PI4KA: variants seen among roughly 807,000 people sequenced by gnomAD.
The protein encoded by PI4KA is phosphatidylinositol 4-kinase alpha.
PI4KA carries 122 observed loss-of-function variants against 271.4 expected under a neutral mutation model. The observed-to-expected ratio is 0.45, with a 90% CI of 0.39 to 0.52. The LOEUF (loss-of-function observed/expected upper bound fraction) is 0.52. PI4KA is among the 20% of genes least tolerant of loss of function. The probability of loss-of-function intolerance (pLI) is 0.00; values close to 1 mark genes in which losing one functional copy is unlikely to be tolerated. For synonymous variants in PI4KA, 1,041 were observed against 1,078.8 expected, an observed-to-expected ratio of 0.96 and a Z score of 0.69; for missense variants, 1,969 against 2,769.1, an observed-to-expected ratio of 0.71 and a Z score of 6.48.
At chr22:20,726,247 A>C in intron 42 of PI4KA, 1 of 397,028 alleles carries the variant, frequency 2.5e-6, no homozygotes, top group Non-Finnish European at 4.5e-6. Flanking sequence ...CAGGCTGGCA[A>C]CAGCCCCAGA....
intron 25 of PI4KA, 80 bp from the exon 26 acceptor site, chr22:20,751,835 G>A (rs1267260144): frequency 1.6e-6 from 2 of 1,270,974 alleles, no homozygotes; most frequent in African/African-American, 2.9e-5. Flanking sequence ...TCAGCTGCCA[G>A]CCCGAGCCCA....
intron 25 of PI4KA, 42 bp downstream of exon 25, chr22:20,752,861 T>G (rs370972198): frequency 6.3e-7 from 1 of 1,594,696 alleles, no homozygotes; most frequent in South Asian, 1.1e-5. Flanking sequence ...CACAGAAGTT[T>G]ATATACATAC....
rs1260351765 is a variant in PI4KA, at chr22:20,761,335, A to C, written c.2760T>G (p.Phe920Leu). Residue 920 changes from phenylalanine (F) to leucine (L), a missense_variant, in exon 23 of 55, where the codon TTT becomes TTG. This residue lies in a region of PI4KA where 368 missense variants were observed against 544.3 expected (regional missense o/e 0.68). Coordinates refer to ENST00000255882, the MANE Select transcript of PI4KA (RefSeq NM_058004.4). ...TGTCTTTCTGAATAGCTTTATCCTC[A>C]AAGTAGCAGAACATTACCTGGAAGC... The part of the protein sequence containing the change: ...PDRFQVMFCY[F>L]EDKAIQKDKS... 1.2e-6 allele frequency: 2 copies of C among 1,610,596 alleles called. No homozygotes were observed. The highest frequency in any genetic ancestry group is 1.7e-6 in the Non-Finnish European group (2 of 1,176,792).
At chr22:20,846,706 G>T (rs1411279370) in intron 1 of PI4KA, among the ~76,000 whole-genome samples, 1 of 151,856 alleles carries the variant, frequency 6.6e-6, no homozygotes, top group Non-Finnish European at 1.5e-5. Flanking sequence ...AGCCAGGCGT[G>T]GGGGCAAGCG....
At chr22:20,839,054 T>C (rs1925234996) in intron 1 of PI4KA, among the ~76,000 whole-genome samples, 2 of 152,132 alleles carry the variant, frequency 1.3e-5, no homozygotes, top group African/African-American at 2.4e-5. Flanking sequence ...CCATCTCTAC[T>C]AAAAATACAA....
At position 20,814,734 on chromosome 22, in the gene PI4KA, G is replaced by A. The variant is rs373229701; in HGVS notation, c.857-1228C>T. On this transcript the variant is annotated intron_variant, in intron 7 of 54. Transcript: ENST00000255882. ...ACTGCACTCCAGTCTGGGTAACAGA[G>A]TAAAATCCTGTATTAAAAAAAAAAA... Among the ~76,000 whole-genome samples the A allele has an allele frequency of 1.1e-4, 16 of 149,282 alleles. No homozygotes were observed. In the South Asian group the frequency reaches 3.0e-3, roughly 28 times the overall value.
At chr22:20,819,120 T>C (rs1018288880) in intron 6 of PI4KA, among the ~76,000 whole-genome samples, 1 of 152,236 alleles carries the variant, frequency 6.6e-6, no homozygotes, top group Non-Finnish European at 1.5e-5. Context: ...AAGAAGCAGA[T>C]GTTTAGGGCG....
At chr22:20,767,219 G>A (rs1302134833) in intron 19 of PI4KA, among the ~76,000 whole-genome samples, 1 of 152,136 alleles carries the variant, frequency 6.6e-6, no homozygotes, top group African/African-American at 2.4e-5. Flanking sequence ...GAGGCAGGTG[G>A]ATCACGAGGT....
intron 7 of PI4KA, among the ~76,000 whole-genome samples, chr22:20,814,403 G>A (rs1921474063): frequency 1.3e-5 from 2 of 152,170 alleles, no homozygotes; most frequent in African/African-American, 4.8e-5. Context: ...ATGAATTGTA[G>A]TGATAGTTGC....
chr22:20,710,245 G>A (rs1242140631), intron 52 of PI4KA: 1 of 586,312 alleles, frequency 1.7e-6, no homozygotes, highest in East Asian at 2.9e-5. Context: ...CCCCACATAA[G>A]GCTGCCGGCC....
intron 30 of PI4KA, 51 bp from the exon 31 acceptor site, chr22:20,742,815 G>A: frequency 6.3e-7 from 1 of 1,586,842 alleles, no homozygotes; most frequent in Non-Finnish European, 8.6e-7. Flanking sequence ...GGCAATGTGG[G>A]TAAGGTTCTG....
intron 8 of PI4KA, 132 bp downstream of exon 8, chr22:20,813,226 G>C: frequency 1.5e-6 from 1 of 661,272 alleles, no homozygotes; most frequent in East Asian, 2.6e-5. Context: ...TCATTAATCT[G>C]CAAGTTTATG....
rs1376678939 is a variant in PI4KA at position 20,811,563 on chromosome 22, A to G, written c.1006-531T>C. ...AATTATTTTCACCAGTTATCTGTAC[A>G]GTATTTAGTGTAGGAATGAATTGTT... On this transcript the variant is annotated intron_variant, in intron 8 of 54. Coordinates refer to ENST00000255882, the MANE Select transcript of PI4KA (RefSeq NM_058004.4). 2.7e-5 allele frequency among the ~76,000 whole-genome samples: 4 copies of G among 146,204 alleles called. No homozygotes were observed. In the East Asian group the frequency reaches 8.3e-4, roughly 30 times the overall value.
Position 20,805,558 on chromosome 22 carries a change from C to T in PI4KA, c.1169-393G>A, listed in dbSNP as rs540970061. Among the ~76,000 whole-genome samples, 4 of 152,116 alleles carry T rather than the reference C, an allele frequency of 2.6e-5. No homozygotes were observed. In the East Asian group the frequency reaches 5.8e-4, roughly 22 times the overall value. ...TAAGAAAGAGGTTGTCAGGGCCAGG[C>T]GCGGTGGCTCACGCCTGTAATCTCA... On this transcript the variant is annotated intron_variant, in intron 10 of 54. Transcript: ENST00000255882.
intron 19 of PI4KA, chr22:20,779,668 G>A (rs770537902): frequency 6.8e-6 from 11 of 1,614,050 alleles, no homozygotes; most frequent in East Asian, 2.2e-5. Flanking sequence ...CTTTTTCATG[G>A]CAAGAGCCGG....
chr22:20,784,676 A>G (rs1278625092), intron 19 of PI4KA, among the ~76,000 whole-genome samples: 1 of 152,226 alleles, frequency 6.6e-6, no homozygotes, highest in Non-Finnish European at 1.5e-5. Context: ...TTCCCTGCCC[A>G]GGAAATTCCA....
rs539069038 is a variant in PI4KA at position 20,759,855 on chromosome 22, G to A, written c.2791+1449C>T. The stretch of plus-strand genomic sequence containing the variant: ...GCTGGGATTACAAGTGTGAGTCACC[G>A]CACCCAGCCAATTTTTTTATTTTTA... On this transcript the variant is annotated intron_variant, in intron 23 of 54. Transcript: ENST00000255882. 5.5e-4 allele frequency among the ~76,000 whole-genome samples: 84 copies of A among 152,070 alleles called. 1 individual carries two copies. Among genetic ancestry groups the A allele is most frequent in the South Asian group, 2.1e-4 (1 of 4,812 alleles).
intron 32 of PI4KA, among the ~76,000 whole-genome samples, chr22:20,735,735 G>A (rs879463043): frequency 3.2e-4 from 48 of 152,372 alleles, no homozygotes; most frequent in African/African-American, 4.3e-4. Flanking sequence ...ACGGGAGCCC[G>A]GGGCGGGGCT....
intron 1 of PI4KA, among the ~76,000 whole-genome samples, chr22:20,849,850 T>C (rs1426945841): frequency 3.3e-5 from 5 of 151,692 alleles, no homozygotes; most frequent in African/African-American, 1.2e-4. Flanking sequence ...CGAAACTCTG[T>C]CTCAAAAAAA....
Sources: allele counts gnomAD v4.1 joint callset (sites outside exome capture counted in the v4.1 genomes callset), GRCh38; gene constraint gnomAD v4.1.1; regional missense constraint gnomAD v4.1.1; transcripts MANE v1.5; gene names NCBI Gene and HGNC (gene_info 2026-07-23, HGNC 2026-07-21).